The following NAALADL2 variants were observed in gnomAD, a reference collection of about 807,000 sequenced individuals.
NAALADL2 encodes N-acetylated alpha-linked acidic dipeptidase like 2.
Under a neutral mutation model 87.2 loss-of-function variants are expected in NAALADL2, and 76 were observed. The ratio of observed to expected loss-of-function variants is 0.87; its 90% confidence interval spans 0.72 to 1.05. The LOEUF (loss-of-function observed/expected upper bound fraction) is 1.05. NAALADL2 is among the 50% of genes least tolerant of loss of function. The probability of loss-of-function intolerance (pLI) is 0.00; values close to 1 mark genes in which losing one functional copy is unlikely to be tolerated. For missense variants in NAALADL2, 1,089 were observed against 945.8 expected, an observed-to-expected ratio of 1.15 and a Z score of -1.99; for synonymous variants, 354 against 331.0, an observed-to-expected ratio of 1.07 and a Z score of -0.75.
At position 175,102,876 on chromosome 3, in the gene NAALADL2, A is replaced by T. The variant is rs6800318; in HGVS notation, c.545+5585A>T. ...TGTAATCCCAGCACTTTGGGAGGACAAAGCAGGCAGATCACGAGGTCAAGA... is the reference window on the plus strand; with the variant it reads ...TGTAATCCCAGCACTTTGGGAGGACTAAGCAGGCAGATCACGAGGTCAAGA... On this transcript the variant is annotated intron_variant, in intron 2 of 13. Transcript: ENST00000454872. Among the ~76,000 whole-genome samples the T allele has an allele frequency of 3.5e-4, 53 of 152,028 alleles. No homozygotes were observed. In the East Asian group the frequency reaches 7.6e-3, roughly 22 times the overall value.
chr3:175,209,662 C>A (rs1470425100), intron 2 of NAALADL2, among the ~76,000 whole-genome samples: 1 of 151,566 alleles, frequency 6.6e-6, no homozygotes, highest in Non-Finnish European at 1.5e-5. Context: ...TACATGCTGC[C>A]AGCTTACGGT....
chr3:174,837,738 G>A (rs1723508039), intron 3 of NAALADL2, among the ~76,000 whole-genome samples: 1 of 152,012 alleles, frequency 6.6e-6, no homozygotes, highest in Admixed American at 6.6e-5. Flanking sequence ...GGGTTGTGGT[G>A]GGCTGAGATC....
intron 4 of NAALADL2, among the ~76,000 whole-genome samples, chr3:175,279,156 G>T (rs886189788): frequency 1.3e-5 from 2 of 152,084 alleles, no homozygotes; most frequent in Non-Finnish European, 2.9e-5. Context: ...CAAGTAATGC[G>T]CCTGACAGTG....
intron 11 of NAALADL2, among the ~76,000 whole-genome samples, chr3:175,724,878 G>T (rs1742722481): frequency 6.6e-6 from 1 of 151,526 alleles, no homozygotes; most frequent in South Asian, 2.1e-4. Context: ...TTTATTTTTG[G>T]TTGTTTTTTC....
intron 2 of NAALADL2, among the ~76,000 whole-genome samples, chr3:175,206,431 A>C (rs2109217064): frequency 1.3e-5 from 2 of 151,688 alleles, no homozygotes; most frequent in Middle Eastern, 3.4e-3. Context: ...GATGAGACTG[A>C]AGGCTATCAT....
At chr3:175,310,163 ATTC>A (rs1354518994) in intron 4 of NAALADL2, among the ~76,000 whole-genome samples, 2 of 152,210 alleles carry the variant, frequency 1.3e-5, no homozygotes, top group Non-Finnish European at 2.9e-5. Context: ...TTCCAAATAC[ATTC>A]TTTTTATACC....
chr3:175,149,353 A>G (rs932783805), intron 2 of NAALADL2, among the ~76,000 whole-genome samples: 3 of 152,164 alleles, frequency 2.0e-5, no homozygotes, highest in Non-Finnish European at 2.9e-5. Flanking sequence ...TATTTCATAA[A>G]CTGAGGCCTA....
chr3:175,049,552 C>T (rs894213588), intron 1 of NAALADL2, among the ~76,000 whole-genome samples: 1 of 152,182 alleles, frequency 6.6e-6, no homozygotes. Flanking sequence ...TTTGTATCCC[C>T]TCTATTTGAG....
chr3:175,636,624 G>C (rs1728587339), intron 11 of NAALADL2, among the ~76,000 whole-genome samples: 1 of 151,258 alleles, frequency 6.6e-6, no homozygotes, highest in African/African-American at 2.4e-5. Flanking sequence ...TTTGAACCTG[G>C]GAGGCGGAGG....
At chr3:174,529,730 C>T (rs1721071098) in intron 1 of NAALADL2, among the ~76,000 whole-genome samples, 1 of 152,156 alleles carries the variant, frequency 6.6e-6, no homozygotes, top group South Asian at 2.1e-4. Context: ...TGGAAGCTGC[C>T]AAGGCTTGAA....
chr3:175,371,629 A>C (rs538139634), intron 5 of NAALADL2, among the ~76,000 whole-genome samples: 2 of 152,094 alleles, frequency 1.3e-5, no homozygotes, highest in African/African-American at 2.4e-5. Context: ...GATCAAGAGT[A>C]GCCTGGCCAA....
chr3:175,498,169 A>C (rs917866793), intron 9 of NAALADL2, among the ~76,000 whole-genome samples: 12 of 152,150 alleles, frequency 7.9e-5, no homozygotes, highest in African/African-American at 2.7e-4. Flanking sequence ...AGAGAATAAA[A>C]ACGAATGAAA....
intron 9 of NAALADL2, among the ~76,000 whole-genome samples, chr3:175,474,155 T>G (rs1725301165): frequency 6.6e-6 from 1 of 152,148 alleles, no homozygotes; most frequent in Non-Finnish European, 1.5e-5. Context: ...TCTGATGATT[T>G]GTGAAAAAAG....
chr3:174,444,384 A>AT (rs1249685118), intron 1 of NAALADL2, among the ~76,000 whole-genome samples: 1 of 152,078 alleles, frequency 6.6e-6, no homozygotes, highest in Non-Finnish European at 1.5e-5. Context: ...AATCATTACC[A>AT]TTTTTTCCAT....
intron 5 of NAALADL2, among the ~76,000 whole-genome samples, chr3:175,389,570 AT>A (rs1397148559): frequency 6.6e-6 from 1 of 152,246 alleles, no homozygotes; most frequent in Non-Finnish European, 1.5e-5. Flanking sequence ...GAGGAGAAAC[AT>A]TAGTAAATGA....
intron 3 of NAALADL2, among the ~76,000 whole-genome samples, chr3:174,769,662 T>C (rs1714280971): frequency 6.7e-6 from 1 of 148,866 alleles, no homozygotes; most frequent in African/African-American, 2.5e-5. Flanking sequence ...GCACAGAAAA[T>C]ACAATTTGGA....
chr3:174,987,522 T>A (rs1307720236), intron 1 of NAALADL2, among the ~76,000 whole-genome samples: 1 of 117,220 alleles, frequency 8.5e-6, no homozygotes, highest in African/African-American at 4.0e-5. Flanking sequence ...TGAGCCGAGA[T>A]TGCGCCACTG....
At chr3:175,282,532 A>C (rs530498579) in intron 4 of NAALADL2, among the ~76,000 whole-genome samples, 44 of 152,150 alleles carry the variant, frequency 2.9e-4, no homozygotes, top group African/African-American at 7.9e-4. Context: ...AAAGTAAACT[A>C]ACTTTGAAAA....
intron 3 of NAALADL2, among the ~76,000 whole-genome samples, chr3:174,783,697 G>T (rs866297330): frequency 2.0e-5 from 3 of 152,192 alleles, no homozygotes; most frequent in South Asian, 4.2e-4. Flanking sequence ...ATATTTGTAG[G>T]CATCAGCATT....
Sources: gnomAD v4.1 joint callset for allele counts (sites outside exome capture counted in the v4.1 genomes callset) on GRCh38, gnomAD v4.1.1 for gene constraint, MANE v1.5 for transcripts, NCBI Gene and HGNC (gene_info 2026-07-23, HGNC 2026-07-21) for gene names.